The following UVRAG variants were observed in gnomAD, a reference collection of about 807,000 sequenced individuals.
UVRAG encodes UV radiation resistance associated.
In UVRAG, 19 loss-of-function variants were observed where a neutral mutation model predicts 78.0. The ratio of observed to expected loss-of-function variants is 0.24; its 90% CI spans 0.17 to 0.36. The LOEUF (loss-of-function observed/expected upper bound fraction) is 0.36. Ranked by LOEUF, UVRAG falls within the 10% of genes least tolerant of loss-of-function variation. UVRAG has a pLI of 1.00. For synonymous variants in UVRAG, 323 were observed against 324.6 expected (o/e 1.00, Z 0.05); for missense variants, 740 against 853.8 (o/e 0.87, Z 1.66).
intron 7 of UVRAG, among the ~76,000 whole-genome samples, chr11:75,970,053 G>T (rs1472239363): frequency 6.6e-6 from 1 of 152,186 alleles, no homozygotes; most frequent in Non-Finnish European, 1.5e-5. Flanking sequence ...TAAGATTTAT[G>T]TCATAAAAAA....
At chr11:76,048,861 A>G (rs1229829709) in intron 12 of UVRAG, among the ~76,000 whole-genome samples, 3 of 152,206 alleles carry the variant, frequency 2.0e-5, no homozygotes, top group African/African-American at 7.2e-5. Context: ...ATTTATGCAC[A>G]CCATTATTGA....
intron 12 of UVRAG, among the ~76,000 whole-genome samples, chr11:76,022,485 T>C (rs2135382801): frequency 6.6e-6 from 1 of 152,330 alleles, no homozygotes; most frequent in Admixed American, 6.5e-5. Context: ...TGTGCACATA[T>C]TTCTTGTTAT....
chr11:75,928,503 G>A (rs113582362), intron 6 of UVRAG, among the ~76,000 whole-genome samples: 5 of 152,048 alleles, frequency 3.3e-5, no homozygotes, highest in Non-Finnish European at 7.4e-5. Context: ...GGTGGCTCAC[G>A]CCTGTAATCC....
rs115336449 is a variant in UVRAG, at chr11:75,947,535, A to T, written c.594-13909A>T. On this transcript the variant is annotated intron_variant, in intron 6 of 14. Coordinates refer to ENST00000356136, the MANE Select transcript of UVRAG (RefSeq NM_003369.4). ...CAGCAACCTGATATATAAGGGGAGG[A>T]ATACTGAGCTTGGACACATATATTT... Among the ~76,000 whole-genome samples the T allele has an allele frequency of 9.1e-3, 1,384 of 152,316 alleles. 22 individuals carry two copies. Among genetic ancestry groups the T allele is most frequent in the African/African-American group, 0.032 (1,331 of 41,570 alleles).
chr11:76,106,397 G>A (rs117814650), intron 13 of UVRAG, among the ~76,000 whole-genome samples: 83 of 151,686 alleles, frequency 5.5e-4, no homozygotes, highest in Non-Finnish European at 9.3e-4. Context: ...ATGGAATCCC[G>A]CTCTGTTGCC....
rs1948829139 is a variant in UVRAG, at chr11:75,957,744, T to A, written c.594-3700T>A. Among the ~76,000 whole-genome samples the A allele has an allele frequency of 3.3e-5, 5 of 152,206 alleles. No homozygotes were observed. The South Asian group carries it at 1.0e-3, about 32-fold the overall frequency. ...ACTTCAGGGTTGAGTCTTGCACATC[T>A]TTTGTTTATTTCATCCCTAAGTATT... On this transcript the variant is annotated intron_variant, in intron 6 of 14. Coordinates refer to ENST00000356136, the MANE Select transcript of UVRAG (RefSeq NM_003369.4).
At chr11:76,100,317 A>G (rs1387263113) in intron 13 of UVRAG, among the ~76,000 whole-genome samples, 3 of 152,156 alleles carry the variant, frequency 2.0e-5, no homozygotes, top group African/African-American at 7.2e-5. Flanking sequence ...TGTTCAAAAT[A>G]TCTGCTAACT....
rs747851308 is a variant in UVRAG at position 76,007,536 on chromosome 11, A to G, written c.914A>G (p.Glu305Gly). ...ELRKECTAKR[E>G]LFLKTNAQLT... ...TGTATTTTTTCTTTCCTCATTAGAG[A>G]ACTCTTCTTGAAGACTAATGCTCAG... The change falls in exon 10 of 15, where the codon GAA (glutamate) becomes GGA (glycine). Residue 305 changes from glutamate (E) to glycine (G), a missense_variant and splice_region_variant. By Grantham distance (98) the Glu-to-Gly change is moderately conservative. Coordinates refer to ENST00000356136, the MANE Select transcript of UVRAG (RefSeq NM_003369.4). 3 of 1,611,460 alleles carry G rather than the reference A, an allele frequency of 1.9e-6. No individual in the cohort carries two copies. The highest frequency in any genetic ancestry group is 2.5e-6 in the Non-Finnish European group (3 of 1,178,554).
At chr11:76,127,658 A>T (rs1185780251) in intron 14 of UVRAG, among the ~76,000 whole-genome samples, 1 of 143,086 alleles carries the variant, frequency 7.0e-6, no homozygotes, top group Non-Finnish European at 1.5e-5. Context: ...AAAATGAATG[A>T]ATGAATGAAT....
intron 1 of UVRAG, among the ~76,000 whole-genome samples, chr11:75,824,669 ATTTTTTT>A (rs1217028567): frequency 8.4e-6 from 1 of 118,658 alleles, no homozygotes; most frequent in African/African-American, 3.4e-5. Flanking sequence ...GAAGTTTGTC[ATTTTTTT>A]TTTTTTTTTT....
rs1049760861 is a variant in UVRAG at position 76,111,324 on chromosome 11, C to T, written c.1306-4600C>T. Among the ~76,000 whole-genome samples, 5 of 152,208 alleles carry T rather than the reference C, an allele frequency of 3.3e-5. No individual in the cohort carries two copies. The East Asian group carries it at 9.7e-4, about 29-fold the overall frequency. On this transcript the variant is annotated intron_variant, in intron 13 of 14. Transcript: ENST00000356136. ...AGAAGGATGTGGTGGTACCGAGTAT[C>T]TCATGAAGTTTAGGGATAATATATA...
chr11:75,817,740 A>G (rs576887051), intron 1 of UVRAG, among the ~76,000 whole-genome samples: 4 of 152,160 alleles, frequency 2.6e-5, no homozygotes, highest in Admixed American at 2.6e-4. Flanking sequence ...AGTACTACCC[A>G]GATTAAGAGA....
chr11:75,828,803 ATAT>A (rs1488575399), intron 1 of UVRAG, among the ~76,000 whole-genome samples: 3 of 85,454 alleles, frequency 3.5e-5, no homozygotes, highest in African/African-American at 1.0e-4. Context: ...ATATATATAT[ATAT>A]TTTTTTTTTT....
chr11:76,020,013 T>G (rs796777225), intron 12 of UVRAG, among the ~76,000 whole-genome samples: 6 of 152,294 alleles, frequency 3.9e-5, no homozygotes, highest in African/African-American at 1.2e-4. Context: ...TGGTTCTCTA[T>G]TCTATTGCGG....
intron 7 of UVRAG, among the ~76,000 whole-genome samples, chr11:75,967,443 A>G (rs1949044460): frequency 6.6e-6 from 1 of 152,226 alleles, no homozygotes; most frequent in Non-Finnish European, 1.5e-5. Flanking sequence ...GACATTTAAA[A>G]GCAGATGTGT....
chr11:76,065,715 C>T lies in UVRAG; in HGVS notation c.1232C>T (p.Pro411Leu). The part of the protein sequence containing the change: ...DKLTEKEREF[P>L]LYPKGGEKLQ... ...TCCTTTTTTACCTTTCTTAGGTTTCCACTGTATCCAAAAGGAGGGGAGAAG... is the reference window on the plus strand; with the variant it reads ...TCCTTTTTTACCTTTCTTAGGTTTCTACTGTATCCAAAAGGAGGGGAGAAG... Residue 411 changes from proline to leucine, a missense_variant, in exon 13 of 15, where the codon CCA (proline) becomes CTA (leucine). Transcript: ENST00000356136. The T allele has an allele frequency of 1.2e-6, 2 of 1,613,538 alleles. No homozygotes were observed. The highest frequency in any genetic ancestry group is 1.3e-5 in the African/African-American group (1 of 75,000).
intron 11 of UVRAG, among the ~76,000 whole-genome samples, chr11:76,009,906 A>C (rs548671955): frequency 6.6e-6 from 1 of 152,328 alleles, no homozygotes; most frequent in South Asian, 2.1e-4. Flanking sequence ...TGTGGAAAAT[A>C]AGTGAGGTAT....
intron 1 of UVRAG, among the ~76,000 whole-genome samples, chr11:75,847,977 A>AG (rs1159318961): frequency 6.6e-6 from 1 of 151,584 alleles, no homozygotes; most frequent in African/African-American, 2.4e-5. Context: ...CTCAAAAAAA[A>AG]AAAAAAGAAA....
chr11:75,976,432 A>G (rs1011645222), intron 7 of UVRAG, among the ~76,000 whole-genome samples: 7 of 152,186 alleles, frequency 4.6e-5, no homozygotes, highest in Non-Finnish European at 8.8e-5. Context: ...GAGTAGTTTC[A>G]TAAGGAATGG....
Sources: gnomAD v4.1 joint callset for allele counts (sites outside exome capture counted in the v4.1 genomes callset) on GRCh38, gnomAD v4.1.1 for gene constraint, MANE v1.5 for transcripts, NCBI Gene and HGNC (gene_info 2026-07-23, HGNC 2026-07-21) for gene names.